Variants in ART3 observed in about 807,000 individuals in gnomAD.
ART3 encodes ecto-ADP-ribosyltransferase 3.
A neutral mutation model predicts 48.5 loss-of-function variants in ART3; 49 were observed. That is an observed-to-expected ratio of 1.01 (90% CI 0.80 to 1.28). ART3 has a LOEUF of 1.28. Ranked by LOEUF, ART3 falls within the 50% of genes most tolerant of loss-of-function variation. The probability of loss-of-function intolerance (pLI) is 0.00; values close to 1 mark genes in which losing one functional copy is unlikely to be tolerated. For missense variants in ART3, 438 were observed against 454.3 expected (o/e 0.96, Z 0.33); for synonymous variants, 145 against 157.2 (o/e 0.92, Z 0.58).
chr4:76,052,714 C>CTT lies in ART3; in HGVS notation c.-9-23167_-9-23166insTT, dbSNP rs10644249. Among the ~76,000 whole-genome samples the CTT allele has an allele frequency of 6.8e-3, 973 of 142,612 alleles. 33 individuals are homozygous for CTT. The highest frequency in any genetic ancestry group is 0.02 in the African/African-American group (792 of 39,538). The allele number at this position is 142,612 out of a possible 152,430, so 93.6% of individuals were successfully genotyped here. On this transcript the variant is annotated intron_variant, in intron 1 of 9. Transcript: ENST00000341029. ...CATGCGTGTACCCAATTTCTTTTTT[C>CTT]CTTCTTTTTTTTTTTTTTAAGACAG...
intron 1 of ART3, among the ~76,000 whole-genome samples, chr4:76,046,840 C>T (rs993928845): frequency 2.0e-5 from 3 of 152,064 alleles, no homozygotes; most frequent in Non-Finnish European, 2.9e-5. Context: ...TGGTTACAGG[C>T]TGTCCCAGGA....
intron 3 of ART3, among the ~76,000 whole-genome samples, chr4:76,091,679 C>CTTT (rs869226732): frequency 6.2e-5 from 7 of 112,302 alleles, no homozygotes; most frequent in East Asian, 2.4e-4. Flanking sequence ...TGTAGCTTAT[C>CTTT]TTTTTTTTTT....
At chr4:76,110,343 T>C (rs1413564273) in intron 11 of ART3, among the ~76,000 whole-genome samples, 1 of 152,216 alleles carries the variant, frequency 6.6e-6, no homozygotes, top group Non-Finnish European at 1.5e-5. Flanking sequence ...TGTGTGTAGG[T>C]ATATGCAAAT....
chr4:76,083,801 G>C (rs1722978636), intron 3 of ART3, among the ~76,000 whole-genome samples: 1 of 152,196 alleles, frequency 6.6e-6, no homozygotes, highest in African/African-American at 2.4e-5. Context: ...AGAAGCTTGG[G>C]AAGGGGGTAA....
At chr4:76,108,559 A>C (rs1484981812) in intron 11 of ART3, among the ~76,000 whole-genome samples, 1 of 140,946 alleles carries the variant, frequency 7.1e-6, no homozygotes, top group Non-Finnish European at 1.5e-5. Flanking sequence ...GCAATGATTA[A>C]AAAAAAAAAC....
At chr4:76,017,462 G>A (rs752419179) in intron 1 of ART3, among the ~76,000 whole-genome samples, 1 of 151,870 alleles carries the variant, frequency 6.6e-6, no homozygotes, top group Non-Finnish European at 1.5e-5. Context: ...TCAAGACAAA[G>A]TCCTCTTTAT....
intron 3 of ART3, among the ~76,000 whole-genome samples, chr4:76,086,165 A>G (rs771123634): frequency 2.0e-5 from 3 of 151,918 alleles, no homozygotes; most frequent in African/African-American, 4.8e-5. Flanking sequence ...CCTCATAAAG[A>G]TATCTGCACT....
intron 1 of ART3, among the ~76,000 whole-genome samples, chr4:76,039,857 C>A (rs983232389): frequency 6.6e-6 from 1 of 152,194 alleles, no homozygotes; most frequent in Non-Finnish European, 1.5e-5. Context: ...CTTTTGCCTT[C>A]ATGTGTGAAT....
chr4:76,103,320 G>T (rs746462565), intron 8 of ART3, among the ~76,000 whole-genome samples: 1 of 151,862 alleles, frequency 6.6e-6, no homozygotes, highest in Non-Finnish European at 1.5e-5. Flanking sequence ...TCGTGTCATT[G>T]TACCCCACCA....
chr4:76,055,365 C>T (rs545701786), intron 1 of ART3, among the ~76,000 whole-genome samples: 69 of 152,256 alleles, frequency 4.5e-4, no homozygotes, highest in Non-Finnish European at 9.1e-4. Context: ...CATAGTGTCT[C>T]ACTAGTCCTC....
At chr4:76,107,028 C>T (rs1728609962) in intron 10 of ART3, among the ~76,000 whole-genome samples, 1 of 151,970 alleles carries the variant, frequency 6.6e-6, no homozygotes, top group Non-Finnish European at 1.5e-5. Context: ...CAATAGATTA[C>T]ATGAGACATT....
chr4:76,051,294 C>T (rs13113455), intron 1 of ART3, among the ~76,000 whole-genome samples: 89,027 of 151,832 alleles, frequency 0.59, 26,944 homozygotes, highest in East Asian at 0.94. Context: ...AGGGAGCTGC[C>T]GGTGGATTTT....
Position 76,021,860 on chromosome 4 carries a change from G to T in ART3, c.-10+10540G>T, listed in dbSNP as rs193269641. ...CTTGACATATACTCCATGTAGGGAA[G>T]TGATGGGAGAGGCAGCCTCTGTGTG... is the stretch of plus-strand genomic sequence containing the variant. On this transcript the variant is annotated intron_variant, in intron 1 of 9. Transcript: ENST00000341029. 137 of 1,416,574 alleles carry T rather than the reference G, an allele frequency of 9.7e-5. No homozygotes were observed. The East Asian group carries it at 2.9e-3, about 30-fold the overall frequency. The allele number at this position is 1,416,574 out of a possible 1,614,324, so 87.8% of individuals were successfully genotyped here.
chr4:76,081,752 T>A, intron 2 of ART3, 72 bp from the exon 3 acceptor site: 1 of 1,469,944 alleles, frequency 6.8e-7, no homozygotes, highest in Non-Finnish European at 9.3e-7. Flanking sequence ...AAGGTGGGGG[T>A]AATAATGTGA....
intron 8 of ART3, among the ~76,000 whole-genome samples, chr4:76,102,019 TA>T: frequency 6.6e-6 from 1 of 152,278 alleles, no homozygotes; most frequent in South Asian, 2.1e-4. Flanking sequence ...ACAACAAATT[TA>T]AAGAGATCAA....
intron 1 of ART3, among the ~76,000 whole-genome samples, chr4:76,063,686 C>G (rs906947237): frequency 6.6e-6 from 1 of 151,970 alleles, no homozygotes; most frequent in Admixed American, 6.6e-5. Context: ...GACAGAGACT[C>G]GGAGAACATA....
At chr4:76,097,610 G>T (rs762591104) in intron 3 of ART3, 34 bp from the exon 4 acceptor site, 1 of 1,560,566 alleles carries the variant, frequency 6.4e-7, no homozygotes, top group East Asian at 2.2e-5. Flanking sequence ...GGTATATTAT[G>T]TCTAACTAAT....
rs1729650499 is a variant in ART3, at chr4:76,112,340, T to A, written c.1037-46T>A. 1.9e-6 allele frequency: 3 copies of A among 1,571,312 alleles called. No individual in the cohort carries two copies. In the African/African-American group the frequency reaches 4.1e-5, roughly 22 times the overall value. On this transcript the variant is annotated intron_variant, in intron 11 of 11. Transcript: ENST00000355810. ...ATATATTTTATAGGTGGATGATACTTGACATAAAAAATGATGTGTCAGTGA... is the reference window on the plus strand; with the variant it reads ...ATATATTTTATAGGTGGATGATACTAGACATAAAAAATGATGTGTCAGTGA...
intron 1 of ART3, among the ~76,000 whole-genome samples, chr4:76,053,796 C>A (rs1736361731): frequency 1.3e-5 from 2 of 152,132 alleles, no homozygotes; most frequent in South Asian, 4.1e-4. Flanking sequence ...TGTTTGCTGT[C>A]ATTTGTATGT....
Sources: gnomAD v4.1 joint callset for allele counts (sites outside exome capture counted in the v4.1 genomes callset) on GRCh38, gnomAD v4.1.1 for gene constraint, MANE v1.5 for transcripts, NCBI Gene and HGNC (gene_info 2026-07-23, HGNC 2026-07-21) for gene names.